The following TMEM168 variants were observed in gnomAD, a reference collection of about 807,000 sequenced individuals.
The protein encoded by TMEM168 is transmembrane protein 168.
In TMEM168, 40 loss-of-function variants were observed where a neutral mutation model predicts 53.2. The observed-to-expected ratio is 0.75, with a 90% CI of 0.58 to 0.98. TMEM168 has a LOEUF of 0.98. Ranked by LOEUF, TMEM168 falls within the 50% of genes least tolerant of loss-of-function variation. TMEM168 has a pLI of 0.00. For synonymous variants in TMEM168, 282 were observed against 293.0 expected (o/e 0.96, Z 0.38); for missense variants, 771 against 828.8 (o/e 0.93, Z 0.86).
chr7:112,766,853 C>T lies in TMEM168; in HGVS notation c.*344G>A, dbSNP rs1484363274. On this transcript the variant is annotated 3_prime_UTR_variant, in exon 5 of 5. Coordinates refer to ENST00000312814, the MANE Select transcript of TMEM168 (RefSeq NM_022484.6). Reference sequence around the variant, plus strand: ...ACATTCTCTAAACTATTATTATATGCCTAGAAAATAAGGCATTAGTAATTC... The same window carrying T: ...ACATTCTCTAAACTATTATTATATGTCTAGAAAATAAGGCATTAGTAATTC... 11 of 191,066 alleles carry T rather than the reference C, an allele frequency of 5.8e-5. No individual in the cohort carries two copies. The highest frequency in any genetic ancestry group is 8.6e-5 in the Non-Finnish European group (8 of 93,120). 11.8% of individuals were successfully genotyped at this position (191,066 alleles called of 1,614,324 possible). A position where few individuals can be genotyped will look rare whatever the true frequency, so the allele number is the denominator to read the frequency against.
In TMEM168 at chr7:112,764,316, T is replaced by C. The variant is rs1165939424; in HGVS notation, c.*2881A>G. The C allele has an allele frequency of 6.6e-6, 1 of 152,020 alleles. No individual in the cohort carries two copies. Among genetic ancestry groups the C allele is most frequent in the Non-Finnish European group, 1.5e-5 (1 of 67,982 alleles). The allele number at this position is 152,020 out of a possible 1,614,324, so 9.4% of individuals were successfully genotyped here. A position where few individuals can be genotyped will look rare whatever the true frequency, so the allele number is the denominator to read the frequency against. On this transcript the variant is annotated 3_prime_UTR_variant, in exon 5 of 5. Transcript: ENST00000312814. ...AAAAAATCTCCATGTTACCTCTTTT[T>C]AGTAGAATGGTAAAGTTTTGCCCTA...
chr7:112,785,747 A>G (rs1415507486), intron 1 of TMEM168, among the ~76,000 whole-genome samples: 1 of 152,194 alleles, frequency 6.6e-6, no homozygotes, highest in East Asian at 1.9e-4. Flanking sequence ...TTGTTAGTGG[A>G]CCCACGAAAT....
rs746807727 is a variant in TMEM168, at chr7:112,772,771, G to A, written c.1546+10C>T. Reference sequence around the variant, plus strand: ...CTTTACAATAGTGAAACTGCCAAAGGTGAGTTTACCTGCTAGAGCCCACTC... The same window carrying A: ...CTTTACAATAGTGAAACTGCCAAAGATGAGTTTACCTGCTAGAGCCCACTC... On this transcript the variant is annotated intron_variant, in intron 4 of 4. Coordinates refer to ENST00000312814, the MANE Select transcript of TMEM168 (RefSeq NM_022484.6). The A allele has an allele frequency of 1.9e-6, 3 of 1,607,052 alleles. No homozygotes were observed. The highest frequency in any genetic ancestry group is 2.7e-5 in the African/African-American group (2 of 74,728).
At chr7:112,780,957 A>AAC in intron 2 of TMEM168, among the ~76,000 whole-genome samples, 1 of 151,678 alleles carries the variant, frequency 6.6e-6, no homozygotes, top group African/African-American at 2.4e-5. Context: ...AAAAAAAAAA[A>AAC]AAAAAAAACG....
At chr7:112,774,133 A>T (rs1793005609) in intron 3 of TMEM168, among the ~76,000 whole-genome samples, 1 of 152,182 alleles carries the variant, frequency 6.6e-6, no homozygotes, top group Non-Finnish European at 1.5e-5. Context: ...TGTGATGAAA[A>T]CTGTCATCAG....
Position 112,767,523 on chromosome 7 carries a change from T to C in TMEM168, c.1768A>G (p.Lys590Glu), listed in dbSNP as rs775187582. Reference protein sequence around the residue: ...ADPPQLGDFTKDWVEYNCNSS... With the variant: ...ADPPQLGDFTEDWVEYNCNSS... ...TTGCAGTTATATTCTACCCAGTCTT[T>C]TGTAAAGTCACCTAGCTGTGGCGGG... The change falls in exon 5 of 5, where the codon AAA (lysine) becomes GAA (glutamate). Residue 590 changes from lysine to glutamate, a missense_variant. Coordinates refer to ENST00000312814, the MANE Select transcript of TMEM168 (RefSeq NM_022484.6). 6.2e-7 allele frequency: 1 copy of C among 1,614,184 alleles called. No individual in the cohort carries two copies. Among genetic ancestry groups the C allele is most frequent in the Non-Finnish European group, 8.5e-7 (1 of 1,180,020 alleles).
chr7:112,775,638 T>G (rs1355996362), intron 2 of TMEM168, among the ~76,000 whole-genome samples: 1 of 151,662 alleles, frequency 6.6e-6, no homozygotes, highest in Non-Finnish European at 1.5e-5. Context: ...AACCACTCTT[T>G]GATATAACAG....
Position 112,766,883 on chromosome 7 carries a change from T to C in TMEM168, c.*314A>G, listed in dbSNP as rs375290170. On this transcript the variant is annotated 3_prime_UTR_variant, in exon 5 of 5. Transcript: ENST00000312814. ...AAAATAAGGCATTAGTAATTCATCATTGACCATTGCAGAGCATAGACAACT... is the reference window on the plus strand; with the variant it reads ...AAAATAAGGCATTAGTAATTCATCACTGACCATTGCAGAGCATAGACAACT... 1.2e-4 allele frequency: 30 copies of C among 246,580 alleles called. No individual in the cohort carries two copies. The highest frequency in any genetic ancestry group is 4.5e-4 in the African/African-American group (20 of 44,284). The allele number at this position is 246,580 out of a possible 1,614,324, so 15.3% of individuals were successfully genotyped here.
At position 112,767,291 on chromosome 7, in the gene TMEM168, T is replaced by C; in HGVS notation, c.2000A>G (p.Lys667Arg). 2 of 1,614,142 alleles carry C rather than the reference T, an allele frequency of 1.2e-6. No homozygotes were observed. Among genetic ancestry groups the C allele is most frequent in the Non-Finnish European group, 1.7e-6 (2 of 1,180,006 alleles). Residue 667 changes from lysine to arginine, a missense_variant, in exon 5 of 5, where the codon AAA becomes AGA. Physicochemically the swap from Lys to Arg is conservative, Grantham distance 26. Coordinates refer to ENST00000312814, the MANE Select transcript of TMEM168 (RefSeq NM_022484.6). ...LCGLNLFWIC[K>R]TCFRCLKRLK... ...TCTTTTCAAGCACCTAAAACAAGTT[T>C]TGCAGATCCAAAAAAGGTTCAGACC...
At chr7:112,777,494 A>G (rs1793115658) in intron 2 of TMEM168, among the ~76,000 whole-genome samples, 1 of 151,332 alleles carries the variant, frequency 6.6e-6, no homozygotes, top group African/African-American at 2.4e-5. Context: ...TCTTCCCTCT[A>G]TTTTTGAGAC....
chr7:112,771,246 T>C (rs1472513066), intron 4 of TMEM168, among the ~76,000 whole-genome samples: 1 of 152,180 alleles, frequency 6.6e-6, no homozygotes, highest in African/African-American at 2.4e-5. Context: ...AACCAGAACA[T>C]GCCATTCCTT....
At chr7:112,778,689 A>G (rs906658974) in intron 2 of TMEM168, 1 of 152,192 alleles carries the variant, frequency 6.6e-6, no homozygotes, top group African/African-American at 2.4e-5. Context: ...TTAAATGAAA[A>G]GCCTAATAAT....
At position 112,775,381 on chromosome 7, in the gene TMEM168, T is replaced by C. The variant is rs554600037; in HGVS notation, c.1129-63A>G. On this transcript the variant is annotated intron_variant, in intron 2 of 4. Coordinates refer to ENST00000312814, the MANE Select transcript of TMEM168 (RefSeq NM_022484.6). ...ACATATGTGTATATATTTACATGCA[T>C]GCACATTGATTCACATTTTTTAGCT... The C allele has an allele frequency of 2.8e-5, 38 of 1,346,208 alleles. 1 individual carries two copies. Among genetic ancestry groups the C allele is most frequent in the Admixed American group, 5.0e-5 (2 of 40,220 alleles). The allele number at this position is 1,346,208 out of a possible 1,614,324, so 83.4% of individuals were successfully genotyped here.
chr7:112,768,169 C>A (rs752458489), intron 4 of TMEM168, among the ~76,000 whole-genome samples: 1 of 152,274 alleles, frequency 6.6e-6, no homozygotes, highest in East Asian at 1.9e-4. Flanking sequence ...TATATTTTCA[C>A]ATGGTTGAAA....
chr7:112,772,826 A>T lies in TMEM168; in HGVS notation c.1501T>A (p.Tyr501Asn), dbSNP rs1562862261. ...GTACCATGGGTGTGCCCACTGTAATACAAAATATACGTATCATGTCTGGGT... is the reference window on the plus strand; with the variant it reads ...GTACCATGGGTGTGCCCACTGTAATTCAAAATATACGTATCATGTCTGGGT... ...DGPRHDTYIL[Y>N]YSGHTHGTGE... Residue 501 changes from tyrosine to asparagine, a missense_variant, in exon 4 of 5, where the codon TAT (tyrosine) becomes AAT (asparagine). Physicochemically the swap from Tyr to Asn is moderately radical, Grantham distance 143 (BLOSUM62 -2). Coordinates refer to ENST00000312814, the MANE Select transcript of TMEM168 (RefSeq NM_022484.6). 3 of 1,614,062 alleles carry T rather than the reference A, an allele frequency of 1.9e-6. No individual in the cohort carries two copies. Among genetic ancestry groups the T allele is most frequent in the Middle Eastern group, 1.7e-4 (1 of 6,060 alleles).
At chr7:112,777,737 AT>A (rs1793123634) in intron 2 of TMEM168, among the ~76,000 whole-genome samples, 1 of 151,954 alleles carries the variant, frequency 6.6e-6, no homozygotes, top group African/African-American at 2.4e-5. Flanking sequence ...CTGCCTTGTC[AT>A]TTTTTAAAGT....
rs747919827 is a variant in TMEM168, at chr7:112,767,654, C to T, written c.1637G>A (p.Ser546Asn). The change falls in exon 5 of 5, where the codon AGC becomes AAC. Residue 546 changes from serine to asparagine, a missense_variant. Transcript: ENST00000312814. ...FCSRLIIVLD[S>N]ENSTPWVKEV... ...TTTCACCCAAGGGGTTGAATTTTCG[C>T]TGTCTAATACGATAATAAGCCGGGA... 1.9e-6 allele frequency: 3 copies of T among 1,614,000 alleles called. No homozygotes were observed. In the Admixed American group the frequency reaches 5.0e-5, roughly 27 times the overall value.
rs1385379470 is a variant in TMEM168 at position 112,763,283 on chromosome 7, T to C, written c.*3914A>G. 1 of 152,160 alleles carries C rather than the reference T, an allele frequency of 6.6e-6. No individual in the cohort carries two copies. Among genetic ancestry groups the C allele is most frequent in the Non-Finnish European group, 1.5e-5 (1 of 67,984 alleles). 9.4% of individuals were successfully genotyped at this position (152,160 alleles called of 1,614,324 possible). A position where few individuals can be genotyped will look rare whatever the true frequency, so the allele number is the denominator to read the frequency against. On this transcript the variant is annotated 3_prime_UTR_variant, in exon 5 of 5. Coordinates refer to ENST00000312814, the MANE Select transcript of TMEM168 (RefSeq NM_022484.6). ...TGGATTCTGTAAGTTTTTTACTAAA[T>C]TACTTGCTTAATGAAGATCTTGAAA...
chr7:112,788,481 A>G (rs141337282), intron 1 of TMEM168: 64 of 152,352 alleles, frequency 4.2e-4, no homozygotes, highest in African/African-American at 1.5e-3. Flanking sequence ...TCAACATGGC[A>G]GATTGTTTTT....
Sources: allele counts gnomAD v4.1 joint callset (sites outside exome capture counted in the v4.1 genomes callset), GRCh38; gene constraint gnomAD v4.1.1; transcripts MANE v1.5; gene names NCBI Gene and HGNC (gene_info 2026-07-23, HGNC 2026-07-21).